Variants in INPP4B observed in about 807,000 individuals in gnomAD.
INPP4B encodes inositol polyphosphate 4-phosphatase type II.
A neutral mutation model predicts 122.5 loss-of-function variants in INPP4B; 55 were observed. The ratio of observed to expected loss-of-function variants is 0.45; its 90% CI spans 0.36 to 0.56. The LOEUF is 0.56. Among genes scored for constraint, INPP4B ranks in the 20% least tolerant of loss-of-function variants. INPP4B has a pLI of 0.00. For missense variants in INPP4B, 1,000 were observed against 1,097.7 expected, an observed-to-expected ratio of 0.91 and a Z score of 1.26; for synonymous variants, 403 against 388.7, an observed-to-expected ratio of 1.04 and a Z score of -0.43.
chr4:142,693,932 T>C (rs1458073652), intron 2 of INPP4B, among the ~76,000 whole-genome samples: 3 of 93,592 alleles, frequency 3.2e-5, no homozygotes, highest in Non-Finnish European at 5.2e-5. Flanking sequence ...ATTTATAAGA[T>C]CTGCTTCTCT....
At chr4:142,546,369 G>A (rs946692158) in intron 2 of INPP4B, among the ~76,000 whole-genome samples, 1 of 151,910 alleles carries the variant, frequency 6.6e-6, no homozygotes. Context: ...TCATGTCTTT[G>A]TTATTGTGAA....
At chr4:142,183,720 T>C (rs1242077217) in intron 15 of INPP4B, among the ~76,000 whole-genome samples, 3 of 152,218 alleles carry the variant, frequency 2.0e-5, no homozygotes, top group Non-Finnish European at 1.5e-5. Flanking sequence ...ACATACTGTG[T>C]CATGGTTTAA....
At chr4:142,039,892 G>GT (rs1035096943) in intron 25 of INPP4B, among the ~76,000 whole-genome samples, 22 of 150,874 alleles carry the variant, frequency 1.5e-4, no homozygotes, top group African/African-American at 3.2e-4. Context: ...TTATTTTGCT[G>GT]TTTTTTTTTC....
chr4:142,175,524 A>G (rs1383350358), intron 15 of INPP4B, among the ~76,000 whole-genome samples: 2 of 152,184 alleles, frequency 1.3e-5, no homozygotes, highest in Non-Finnish European at 2.9e-5. Context: ...ACGCATTACT[A>G]GTTTACTTGT....
chr4:142,740,419 A>G (rs1190794381), intron 1 of INPP4B, among the ~76,000 whole-genome samples: 1 of 152,062 alleles, frequency 6.6e-6, no homozygotes, highest in Non-Finnish European at 1.5e-5. Flanking sequence ...GAAATGCTTA[A>G]TAAAACACAA....
chr4:142,445,231 C>T (rs975712447), intron 3 of INPP4B, among the ~76,000 whole-genome samples: 4 of 151,546 alleles, frequency 2.6e-5, no homozygotes, highest in Non-Finnish European at 5.9e-5. Context: ...AGTGAAAAAG[C>T]ACGATAAGCA....
intron 7 of INPP4B, among the ~76,000 whole-genome samples, chr4:142,326,771 C>T (rs533634133): frequency 6.6e-6 from 1 of 152,260 alleles, no homozygotes; most frequent in South Asian, 2.1e-4. Flanking sequence ...GAAATAATAA[C>T]TCTGTTTAAC....
intron 12 of INPP4B, among the ~76,000 whole-genome samples, chr4:142,221,482 T>C (rs1849374059): frequency 6.7e-6 from 1 of 148,272 alleles, no homozygotes; most frequent in Admixed American, 6.7e-5. Flanking sequence ...ACATTACCAA[T>C]CTGAGGAAAA....
At chr4:142,117,574 T>A (rs934415219) in intron 21 of INPP4B, among the ~76,000 whole-genome samples, 5 of 152,066 alleles carry the variant, frequency 3.3e-5, no homozygotes, top group African/African-American at 4.8e-5. Context: ...CACGACTATC[T>A]CAATAGATGC....
At chr4:142,230,274 A>G (rs1380597512) in intron 12 of INPP4B, among the ~76,000 whole-genome samples, 1 of 152,206 alleles carries the variant, frequency 6.6e-6, no homozygotes, top group Non-Finnish European at 1.5e-5. Context: ...ATTAAGGATG[A>G]TAACAGAGAG....
In INPP4B at chr4:142,257,889, T is replaced by C. The variant is rs543084366; in HGVS notation, c.688+2603A>G. 8.3e-4 allele frequency among the ~76,000 whole-genome samples: 127 copies of C among 152,220 alleles called. No individual in the cohort carries two copies. The East Asian group carries it at 0.015, about 18-fold the overall frequency. Reference sequence around the variant, plus strand: ...TATGGAACCAAAAAAGAGCCTGCATTGCCAAGTCAATCCTAAGCCAAAAGA... The same window carrying C: ...TATGGAACCAAAAAAGAGCCTGCATCGCCAAGTCAATCCTAAGCCAAAAGA... On this transcript the variant is annotated intron_variant, in intron 11 of 25. Coordinates refer to ENST00000262992, the MANE Select transcript of INPP4B (RefSeq NM_001101669.3).
chr4:142,152,226 C>T (rs1469200159), intron 17 of INPP4B, among the ~76,000 whole-genome samples: 1 of 151,604 alleles, frequency 6.6e-6, no homozygotes, highest in Non-Finnish European at 1.5e-5. Flanking sequence ...AGGCGCCCAC[C>T]ACCACACCCG....
chr4:142,131,968 A>C (rs1801520255), intron 18 of INPP4B, among the ~76,000 whole-genome samples: 1 of 152,148 alleles, frequency 6.6e-6, no homozygotes, highest in Admixed American at 6.5e-5. Context: ...AAAAAAAAAA[A>C]ACAAAAATAT....
intron 23 of INPP4B, among the ~76,000 whole-genome samples, chr4:142,095,007 T>A (rs1781225936): frequency 6.6e-6 from 1 of 152,212 alleles, no homozygotes; most frequent in African/African-American, 2.4e-5. Flanking sequence ...TGATGTGGTC[T>A]CTGATTTGGT....
chr4:142,440,714 T>G (rs1053735231), intron 3 of INPP4B, among the ~76,000 whole-genome samples: 1 of 150,794 alleles, frequency 6.6e-6, no homozygotes, highest in Non-Finnish European at 1.5e-5. Flanking sequence ...TTGAAAACTT[T>G]GAGTCTCCTT....
In INPP4B at chr4:142,160,577, C is replaced by A; in HGVS notation, c.1360-16G>T. The A allele has an allele frequency of 1.3e-6, 2 of 1,580,402 alleles. No homozygotes were observed. Among genetic ancestry groups the A allele is most frequent in the Middle Eastern group, 1.7e-4 (1 of 5,870 alleles). ...AAAGCTCTGTCTGGAAAGAAATTGACAAGGATTAGAAACACCTTGGTAGGC... is the reference window on the plus strand; with the variant it reads ...AAAGCTCTGTCTGGAAAGAAATTGAAAAGGATTAGAAACACCTTGGTAGGC... On this transcript the variant is annotated splice_polypyrimidine_tract_variant and intron_variant, in intron 16 of 25. Coordinates refer to ENST00000262992, the MANE Select transcript of INPP4B (RefSeq NM_001101669.3).
At chr4:142,594,188 T>C (rs1487147427) in intron 2 of INPP4B, among the ~76,000 whole-genome samples, 1 of 152,162 alleles carries the variant, frequency 6.6e-6, no homozygotes, top group Non-Finnish European at 1.5e-5. Context: ...ACAGCATTTG[T>C]CATAAAAAGG....
chr4:142,274,939 T>C (rs1747689257), intron 9 of INPP4B, among the ~76,000 whole-genome samples: 1 of 151,828 alleles, frequency 6.6e-6, no homozygotes, highest in Non-Finnish European at 1.5e-5. Context: ...GACTTAAATA[T>C]TTAACCACAA....
chr4:142,839,760 T>C (rs1783256051), intron 1 of INPP4B, among the ~76,000 whole-genome samples: 1 of 152,202 alleles, frequency 6.6e-6, no homozygotes. Flanking sequence ...CTGATGGGTA[T>C]GTGGGAATGC....
Sources: allele counts gnomAD v4.1 joint callset (sites outside exome capture counted in the v4.1 genomes callset), GRCh38; gene constraint gnomAD v4.1.1; transcripts MANE v1.5; gene names NCBI Gene and HGNC (gene_info 2026-07-23, HGNC 2026-07-21).